BTG2: variants seen among roughly 807,000 people sequenced by gnomAD.
BTG2 encodes the protein protein BTG2.
A neutral mutation model predicts 13.1 loss-of-function variants in BTG2; 9 were observed. The ratio of observed to expected loss-of-function variants is 0.69; its 90% CI spans 0.41 to 1.20. The LOEUF (loss-of-function observed/expected upper bound fraction) is 1.20, where lower values mean the gene tolerates loss of function less well. Among genes scored for constraint, BTG2 ranks in the 50% most tolerant of loss-of-function variants. BTG2 has a pLI of 0.00. For missense variants in BTG2, 200 were observed against 209.5 expected (o/e 0.95, Z 0.28); for synonymous variants, 92 against 88.6 (o/e 1.04, Z -0.21).
At position 203,307,537 on chromosome 1, in the gene BTG2, G is replaced by C; in HGVS notation, c.*99G>C. The C allele has an allele frequency of 8.4e-6, 8 of 954,272 alleles. No homozygotes were observed. The highest frequency in any genetic ancestry group is 1.2e-5 in the Non-Finnish European group (8 of 677,236). The allele number at this position is 954,272 out of a possible 1,614,324, so 59.1% of individuals were successfully genotyped here. A position where few individuals can be genotyped will look rare whatever the true frequency, so the allele number is the denominator to read the frequency against. Reference sequence around the variant, plus strand: ...GGGGAACTGTATTTTTAAATGAAGAGCTATTTATATATATTATTTTTTTTT... The same window carrying C: ...GGGGAACTGTATTTTTAAATGAAGACCTATTTATATATATTATTTTTTTTT... On this transcript the variant is annotated 3_prime_UTR_variant, in exon 2 of 2. Coordinates refer to ENST00000290551, the MANE Select transcript of BTG2 (RefSeq NM_006763.3).
intron 1 of BTG2, among the ~76,000 whole-genome samples, chr1:203,306,185 C>T (rs1658266825): frequency 6.6e-6 from 1 of 152,306 alleles, no homozygotes; most frequent in South Asian, 2.1e-4. Flanking sequence ...AGTCCCAGTG[C>T]GGTTCTTCCT....
intron 1 of BTG2, 32 bp downstream of exon 1, chr1:203,305,780 G>A: frequency 1.3e-6 from 2 of 1,534,138 alleles, no homozygotes; most frequent in Non-Finnish European, 1.8e-6. Context: ...TGGCGCCACC[G>A]GGGGTCGGCC....
At position 203,308,952 on chromosome 1, in the gene BTG2, G is replaced by GGCTA. The variant is rs1035206494; in HGVS notation, c.*1516_*1519dup. 3.3e-5 allele frequency: 5 copies of GGCTA among 152,622 alleles called. No homozygotes were observed. The highest frequency in any genetic ancestry group is 1.2e-4 in the African/African-American group (5 of 41,432). The allele number at this position is 152,622 out of a possible 1,614,324, so 9.5% of individuals were successfully genotyped here. A position where few individuals can be genotyped will look rare whatever the true frequency, so the allele number is the denominator to read the frequency against. On this transcript the variant is annotated 3_prime_UTR_variant, in exon 2 of 2. Coordinates refer to ENST00000290551, the MANE Select transcript of BTG2 (RefSeq NM_006763.3). ...AACCGAATCACCTTAAGAAGGACAG[G>GGCTA]GCTAGGGCATTTGGCCAGGATGGCC...
chr1:203,305,552 T>C lies in BTG2; in HGVS notation c.-55T>C. On this transcript the variant is annotated 5_prime_UTR_variant, in exon 1 of 2. Transcript: ENST00000290551. Reference sequence around the variant, plus strand: ...AGCAGCGGCCAGGGTAACGCTGTCTTGTGGACCCGCACTTCCCACCCGAGA... The same window carrying C: ...AGCAGCGGCCAGGGTAACGCTGTCTCGTGGACCCGCACTTCCCACCCGAGA... 1 of 1,562,136 alleles carries C rather than the reference T, an allele frequency of 6.4e-7. No homozygotes were observed.
rs1658319632 is a variant in BTG2, at chr1:203,308,311, A to G, written c.*873A>G. On this transcript the variant is annotated 3_prime_UTR_variant, in exon 2 of 2. Transcript: ENST00000290551. ...CCAAAACTCTTCCTTTTGGAACCAC[A>G]TGAAAGTCTTGATGCTGCTGCCATG... 1 of 152,652 alleles carries G rather than the reference A, an allele frequency of 6.6e-6. No homozygotes were observed. The highest frequency in any genetic ancestry group is 6.5e-5 in the Admixed American group (1 of 15,288). 9.5% of individuals were successfully genotyped at this position (152,652 alleles called of 1,614,324 possible).
chr1:203,306,771 C>T (rs1308847971), intron 1 of BTG2, among the ~76,000 whole-genome samples: 1 of 151,164 alleles, frequency 6.6e-6, no homozygotes, highest in Non-Finnish European at 1.5e-5. Flanking sequence ...TAGAGAGTAC[C>T]CTAGAGCTCT....
intron 1 of BTG2, among the ~76,000 whole-genome samples, chr1:203,306,470 G>A (rs1571500824): frequency 2.0e-5 from 3 of 152,172 alleles, no homozygotes; most frequent in South Asian, 2.1e-4. Flanking sequence ...AGCCATCTCG[G>A]AACGCACCCA....
rs1408464372 is a variant in BTG2, at chr1:203,307,994, C to T, written c.*556C>T. 1 of 152,646 alleles carries T rather than the reference C, an allele frequency of 6.6e-6. No individual in the cohort carries two copies. Among genetic ancestry groups the T allele is most frequent in the Non-Finnish European group, 1.5e-5 (1 of 68,068 alleles). The allele number at this position is 152,646 out of a possible 1,614,324, so 9.5% of individuals were successfully genotyped here. A position where few individuals can be genotyped will look rare whatever the true frequency, so the allele number is the denominator to read the frequency against. ...AGGTCCTGGGCAGAGAGTGAAAAGG[C>T]CTCTCCTGATTCCTACTGTCCTAAG... is the stretch of plus-strand genomic sequence containing the variant. On this transcript the variant is annotated 3_prime_UTR_variant, in exon 2 of 2. Coordinates refer to ENST00000290551, the MANE Select transcript of BTG2 (RefSeq NM_006763.3).
In BTG2 at chr1:203,308,663, G is replaced by A. The variant is rs1327904585; in HGVS notation, c.*1225G>A. 6.6e-6 allele frequency: 1 copy of A among 152,582 alleles called. No homozygotes were observed. Among genetic ancestry groups the A allele is most frequent in the Non-Finnish European group, 1.5e-5 (1 of 68,038 alleles). 9.5% of individuals were successfully genotyped at this position (152,582 alleles called of 1,614,324 possible). Reference sequence around the variant, plus strand: ...TTGGCTGAATGGGAGAGTGCCCCATGTTCTGCAAGACTACTTGGTATTCTT... The same window carrying A: ...TTGGCTGAATGGGAGAGTGCCCCATATTCTGCAAGACTACTTGGTATTCTT... On this transcript the variant is annotated 3_prime_UTR_variant, in exon 2 of 2. Transcript: ENST00000290551.
At chr1:203,305,833 G>A (rs1658246266) in intron 1 of BTG2, 85 bp downstream of exon 1, 4 of 1,484,544 alleles carry the variant, frequency 2.7e-6, no homozygotes, top group Admixed American at 2.6e-5. Flanking sequence ...CTGCGGCAGG[G>A]TGACCCACGG....
Position 203,307,570 on chromosome 1 carries a change from G to A in BTG2, c.*132G>A. ...TATATATTATTTTTTTTTAAGAAAG[G>A]AGGAAAAGAAACCAAAAGTTTTTTT... is the stretch of plus-strand genomic sequence containing the variant. On this transcript the variant is annotated 3_prime_UTR_variant, in exon 2 of 2. Transcript: ENST00000290551. 1 of 777,762 alleles carries A rather than the reference G, an allele frequency of 1.3e-6. No homozygotes were observed. The highest frequency in any genetic ancestry group is 1.8e-6 in the Non-Finnish European group (1 of 563,496). 48.2% of individuals were successfully genotyped at this position (777,762 alleles called of 1,614,324 possible). A position where few individuals can be genotyped will look rare whatever the true frequency, so the allele number is the denominator to read the frequency against.
chr1:203,306,025 A>T (rs1658253903), intron 1 of BTG2, among the ~76,000 whole-genome samples: 1 of 152,126 alleles, frequency 6.6e-6, no homozygotes, highest in Admixed American at 6.5e-5. Flanking sequence ...CCGAGTCCCC[A>T]GCTTATGCCC....
In BTG2 at chr1:203,305,699, C is replaced by G; in HGVS notation, c.93C>G (p.Ser31Arg). Reference sequence around the variant, plus strand: ...TCCTGAGGACCCGGGGCTGCGTGAGCGAGCAGAGGCTTAAGGTCTTCAGCG... The same window carrying G: ...TCCTGAGGACCCGGGGCTGCGTGAGGGAGCAGAGGCTTAAGGTCTTCAGCG... ...SSLLRTRGCVSEQRLKVFSGA... is the reference protein window; with the variant it reads ...SSLLRTRGCVREQRLKVFSGA... The change falls in exon 1 of 2, where the codon AGC becomes AGG. Residue 31 changes from serine to arginine, a missense_variant. Ser to Arg is a moderately radical substitution (Grantham distance 110). Coordinates refer to ENST00000290551, the MANE Select transcript of BTG2 (RefSeq NM_006763.3). 6.4e-7 allele frequency: 1 copy of G among 1,556,092 alleles called. No individual in the cohort carries two copies. The highest frequency in any genetic ancestry group is 8.7e-7 in the Non-Finnish European group (1 of 1,149,686).
At chr1:203,306,799 C>T (rs1211962205) in intron 1 of BTG2, among the ~76,000 whole-genome samples, 8 of 74,694 alleles carry the variant, frequency 1.1e-4, no homozygotes, top group Non-Finnish European at 1.6e-4. Context: ...CCTCCCAACA[C>T]GCACACACAC....
In BTG2 at chr1:203,308,669, C is replaced by G. The variant is rs973096507; in HGVS notation, c.*1231C>G. On this transcript the variant is annotated 3_prime_UTR_variant, in exon 2 of 2. Coordinates refer to ENST00000290551, the MANE Select transcript of BTG2 (RefSeq NM_006763.3). ...GAATGGGAGAGTGCCCCATGTTCTGCAAGACTACTTGGTATTCTTGTAGGG... is the reference window on the plus strand; with the variant it reads ...GAATGGGAGAGTGCCCCATGTTCTGGAAGACTACTTGGTATTCTTGTAGGG... 4.6e-5 allele frequency: 7 copies of G among 152,598 alleles called. No individual in the cohort carries two copies. Among genetic ancestry groups the G allele is most frequent in the Admixed American group, 1.3e-4 (2 of 15,280 alleles). 9.5% of individuals were successfully genotyped at this position (152,598 alleles called of 1,614,324 possible). A position where few individuals can be genotyped will look rare whatever the true frequency, so the allele number is the denominator to read the frequency against.
In BTG2 at chr1:203,307,394, C is replaced by G. The variant is rs760349639; in HGVS notation, c.433C>G (p.Arg145Gly). 2 of 1,604,248 alleles carry G rather than the reference C, an allele frequency of 1.2e-6. No individual in the cohort carries two copies. The highest frequency in any genetic ancestry group is 1.7e-6 in the Non-Finnish European group (2 of 1,172,582). The change falls in exon 2 of 2, where the codon CGG becomes GGG. Residue 145 changes from arginine (R) to glycine (G), a missense_variant. By Grantham distance (125) the Arg-to-Gly change is moderately radical (BLOSUM62 -2). Coordinates refer to ENST00000290551, the MANE Select transcript of BTG2 (RefSeq NM_006763.3). ...LTCKNQVLLG[R>G]SSPSKNYVMA... The stretch of plus-strand genomic sequence containing the variant: ...CTGCAAGAACCAAGTGCTGCTGGGC[C>G]GGAGCAGCCCCTCCAAGAACTACGT...
chr1:203,307,078 A>G (rs1279979998), intron 1 of BTG2, 26 bp from the exon 2 acceptor site: 2 of 1,594,142 alleles, frequency 1.3e-6, no homozygotes, highest in African/African-American at 2.7e-5. Context: ...TAACCAGGGC[A>G]TCTGCCCCTG....
chr1:203,306,831 CACACACACACACTCAG>C (rs1225862756), intron 1 of BTG2, among the ~76,000 whole-genome samples: 1 of 76,150 alleles, frequency 1.3e-5, no homozygotes, highest in Non-Finnish European at 2.5e-5. Context: ...CTCTCTCTCT[CACACACACACACTCAG>C]TCACACACAC....
At chr1:203,305,876 AC>A in intron 1 of BTG2, 128 bp downstream of exon 1, 2 of 1,290,426 alleles carry the variant, frequency 1.5e-6, no homozygotes, top group Non-Finnish European at 2.0e-6. Flanking sequence ...CCCTCCTCCG[AC>A]CCCCGGGGCG....
Sources: gnomAD v4.1 joint callset for allele counts (sites outside exome capture counted in the v4.1 genomes callset) on GRCh38, gnomAD v4.1.1 for gene constraint, MANE v1.5 for transcripts, NCBI Gene and HGNC (gene_info 2026-07-23, HGNC 2026-07-21) for gene names.